Variants in FAXDC2 observed in about 807,000 individuals in gnomAD.
FAXDC2 encodes the protein fatty acid hydroxylase domain containing 2.
A neutral mutation model predicts 40.9 loss-of-function variants in FAXDC2; 41 were observed. The ratio of observed to expected loss-of-function variants is 1.00; its 90% CI spans 0.78 to 1.30. The LOEUF (loss-of-function observed/expected upper bound fraction) is 1.30. Ranked by LOEUF, FAXDC2 falls within the 50% of genes most tolerant of loss-of-function variation. The pLI, the probability that FAXDC2 is intolerant of heterozygous loss-of-function variation, is 0.00. For missense variants in FAXDC2, 390 were observed against 408.8 expected, an observed-to-expected ratio of 0.95 and a Z score of 0.40; for synonymous variants, 157 against 149.3, an observed-to-expected ratio of 1.05 and a Z score of -0.38.
intron 4 of FAXDC2, among the ~76,000 whole-genome samples, chr5:154,832,443 C>T (rs1017595964): frequency 1.3e-5 from 2 of 152,106 alleles, no homozygotes; most frequent in South Asian, 2.1e-4. Flanking sequence ...CCTCATGATC[C>T]GCCTGCCTCG....
At chr5:154,829,180 A>G (rs952166217) in intron 5 of FAXDC2, among the ~76,000 whole-genome samples, 1 of 152,126 alleles carries the variant, frequency 6.6e-6, no homozygotes, top group Non-Finnish European at 1.5e-5. Context: ...GGCATGAACC[A>G]CCACGCCCAG....
At chr5:154,849,190 G>A (rs900170612) in intron 1 of FAXDC2, among the ~76,000 whole-genome samples, 1 of 151,880 alleles carries the variant, frequency 6.6e-6, no homozygotes, top group East Asian at 1.9e-4. Flanking sequence ...TGAGGCAGGA[G>A]AATCTCTTGA....
chr5:154,838,116 G>A lies in FAXDC2; in HGVS notation c.48+15C>T. On this transcript the variant is annotated intron_variant, in intron 2 of 8. Transcript: ENST00000326080. ...TACATTCTCACCAGTTTGGGGGCAA[G>A]GTGCTGGCATTTACCTGCTTTGACT... The A allele has an allele frequency of 6.3e-7, 1 of 1,577,140 alleles. No homozygotes were observed. The highest frequency in any genetic ancestry group is 8.7e-7 in the Non-Finnish European group (1 of 1,146,764).
intron 8 of FAXDC2, chr5:154,820,729 A>C (rs1017637243): frequency 3.5e-5 from 13 of 374,778 alleles, no homozygotes; most frequent in African/African-American, 6.4e-5. Context: ...CAGTCTGAGA[A>C]TCTCTAGCAG....
intron 5 of FAXDC2, among the ~76,000 whole-genome samples, chr5:154,825,670 C>CAAAAAAAAAAAAAAAAAAATT (rs1561652954): frequency 1.4e-5 from 1 of 73,168 alleles, no homozygotes; most frequent in Non-Finnish European, 2.4e-5. Flanking sequence ...AAAAAAAAAG[C>CAAAAAAAAAAAAAAAAAAATT]AGTAATATAG....
intron 1 of FAXDC2, among the ~76,000 whole-genome samples, chr5:154,842,958 C>T (rs1222063927): frequency 2.6e-5 from 4 of 152,134 alleles, no homozygotes; most frequent in Non-Finnish European, 1.5e-5. Flanking sequence ...AGGCATGAAC[C>T]ACCAGGCCCA....
chr5:154,847,778 A>G (rs539811837), intron 1 of FAXDC2, among the ~76,000 whole-genome samples: 7 of 151,698 alleles, frequency 4.6e-5, no homozygotes, highest in African/African-American at 1.7e-4. Flanking sequence ...GGCATGAGCC[A>G]CTGCGCCTGG....
Position 154,834,867 on chromosome 5 carries a change from A to G in FAXDC2, c.116T>C (p.Val39Ala), listed in dbSNP as rs1348629311. Residue 39 changes from valine (V) to alanine (A), a missense_variant, in exon 3 of 9, where the codon GTG becomes GCG. Physicochemically the swap from Val to Ala is moderately conservative, Grantham distance 64. Transcript: ENST00000326080. ...CCATGTCACTGAGTTCCAGAAGGCC[A>G]CAAATGAGAGAAGTCCAGAGCCCAG... ...FILGSGLLSF[V>A]AFWNSVTWHL... 1.9e-6 allele frequency: 3 copies of G among 1,611,324 alleles called. No homozygotes were observed. Among genetic ancestry groups the G allele is most frequent in the Non-Finnish European group, 2.5e-6 (3 of 1,178,570 alleles).
rs1759808172 is a variant in FAXDC2 at position 154,819,092 on chromosome 5, A to G, written c.*1224T>C. On this transcript the variant is annotated 3_prime_UTR_variant, in exon 9 of 9. Coordinates refer to ENST00000326080, the MANE Select transcript of FAXDC2 (RefSeq NM_032385.5). ...GGAGACTTGGACCTAGCTGATACTA[A>G]GGTATTTTATAAAGCTACAGTGGAT... 6.6e-6 allele frequency: 1 copy of G among 152,234 alleles called. No homozygotes were observed. The highest frequency in any genetic ancestry group is 2.1e-4 in the South Asian group (1 of 4,836). 9.4% of individuals were successfully genotyped at this position (152,234 alleles called of 1,614,324 possible).
chr5:154,822,402 G>T, intron 7 of FAXDC2, 70 bp downstream of exon 7: 1 of 1,071,072 alleles, frequency 9.3e-7, no homozygotes, highest in Non-Finnish European at 1.4e-6. Flanking sequence ...TAAGTTCTCT[G>T]CAGGAGACCT....
At chr5:154,824,793 A>G in intron 5 of FAXDC2, 1 of 494,570 alleles carries the variant, frequency 2.0e-6, no homozygotes, top group Non-Finnish European at 3.6e-6. Flanking sequence ...ACAAATATAA[A>G]AACATATATA....
Position 154,830,928 on chromosome 5 carries a change from A to G in FAXDC2, c.245-6T>C. On this transcript the variant is annotated splice_region_variant and splice_polypyrimidine_tract_variant and intron_variant, in intron 4 of 8. Transcript: ENST00000326080. ...ACAAGGCACTTGGATGGCACCTGAG[A>G]TTGGGAAACAGAAACAGTCAGGGCG... The G allele has an allele frequency of 6.2e-7, 1 of 1,613,494 alleles. No homozygotes were observed. Among genetic ancestry groups the G allele is most frequent in the Non-Finnish European group, 8.5e-7 (1 of 1,179,446 alleles).
chr5:154,834,593 C>T (rs1760271445), intron 4 of FAXDC2, 32 bp downstream of exon 4: 2 of 1,386,922 alleles, frequency 1.4e-6, no homozygotes, highest in South Asian at 1.2e-5. Flanking sequence ...CATGCACCCA[C>T]ATGCTAGGTG....
rs369932857 is a variant in FAXDC2, at chr5:154,823,459, G to A, written c.500C>T (p.Thr167Ile). 2 of 1,614,124 alleles carry A rather than the reference G, an allele frequency of 1.2e-6. No homozygotes were observed. Among genetic ancestry groups the A allele is most frequent in the Admixed American group, 1.7e-5 (1 of 60,014 alleles). Residue 167 changes from threonine to isoleucine, a missense_variant, in exon 6 of 9, where the codon ACC becomes ATC. Thr to Ile is a moderately conservative substitution (Grantham distance 89). Transcript: ENST00000326080. ...WRDPCRRELP[T>I]FHWFLLELAI... ...CAGCTCCAGGAGGAACCAGTGGAAG[G>A]TGGGTAGCTCACGGCGGCAGGGGTC...
intron 5 of FAXDC2, 108 bp from the exon 6 acceptor site, chr5:154,823,700 C>T (rs1004469857): frequency 1.0e-5 from 9 of 872,566 alleles, no homozygotes; most frequent in African/African-American, 3.3e-5. Flanking sequence ...GGAGAGATGT[C>T]GGGGGACAGC....
chr5:154,843,150 A>G (rs975350874), intron 1 of FAXDC2, among the ~76,000 whole-genome samples: 9 of 152,178 alleles, frequency 5.9e-5, no homozygotes, highest in African/African-American at 9.7e-5. Context: ...TGTTGAGATA[A>G]CCATCCTGTT....
At chr5:154,822,275 G>A in intron 7 of FAXDC2, 197 bp downstream of exon 7, 1 of 565,492 alleles carries the variant, frequency 1.8e-6, no homozygotes, top group East Asian at 2.9e-5. Context: ...AAAAAAGAAA[G>A]TTGTTGGGAT....
At chr5:154,845,755 AG>A (rs1760584243) in intron 1 of FAXDC2, among the ~76,000 whole-genome samples, 1 of 151,286 alleles carries the variant, frequency 6.6e-6, no homozygotes, top group Non-Finnish European at 1.5e-5. Context: ...AGAGGTGCAG[AG>A]GTATTTAGTA....
intron 4 of FAXDC2, among the ~76,000 whole-genome samples, chr5:154,833,041 C>CT (rs201032016): frequency 0.011 from 1,611 of 145,214 alleles, 16 homozygotes; most frequent in Non-Finnish European, 0.017. Context: ...TTAAATACTT[C>CT]TTTTTTTTTT....
Sources: allele counts gnomAD v4.1 joint callset (sites outside exome capture counted in the v4.1 genomes callset), GRCh38; gene constraint gnomAD v4.1.1; transcripts MANE v1.5; gene names NCBI Gene and HGNC (gene_info 2026-07-23, HGNC 2026-07-21).